Variants in PMFBP1 observed in about 807,000 individuals in gnomAD.
The protein encoded by PMFBP1 is polyamine-modulated factor 1-binding protein 1.
PMFBP1 carries 131 observed loss-of-function variants against 137.8 expected under a neutral mutation model. That is an observed-to-expected ratio of 0.95 (90% CI 0.82 to 1.10). The LOEUF (loss-of-function observed/expected upper bound fraction) is 1.10, where lower values mean the gene tolerates loss of function less well. Ranked by LOEUF, PMFBP1 falls within the 50% of genes least tolerant of loss-of-function variation. The pLI is 0.00. For missense variants in PMFBP1, 1,199 were observed against 1,175.4 expected (o/e 1.02, Z -0.29); for synonymous variants, 490 against 450.4 (o/e 1.09, Z -1.11).
intron 17 of PMFBP1, among the ~76,000 whole-genome samples, chr16:72,124,401 G>A (rs1036514722): frequency 2.6e-5 from 4 of 152,246 alleles, no homozygotes; most frequent in Admixed American, 6.5e-5. Flanking sequence ...GCTCAGGGAG[G>A]TGGGCCTGGG....
chr16:72,148,690 C>T (rs999491987), intron 5 of PMFBP1, among the ~76,000 whole-genome samples: 2 of 151,918 alleles, frequency 1.3e-5, no homozygotes, highest in African/African-American at 4.8e-5. Context: ...AGACTAAAAA[C>T]CCAGTAAAAA....
intron 10 of PMFBP1, 29 bp downstream of exon 10, chr16:72,132,719 T>C (rs562789671): frequency 6.2e-7 from 1 of 1,613,682 alleles, no homozygotes; most frequent in African/African-American, 1.3e-5. Flanking sequence ...CAGAAAAGTG[T>C]GGTGGGACAG....
chr16:72,136,546 C>T lies in PMFBP1; in HGVS notation c.1105G>A (p.Glu369Lys). ...ATGGTGATGTCCTTATCCTTCCTCT[C>T]AATGTGGGCAGATGTCTCCTCCCGC... ...GLREETSAHI[E>K]RKDKDITILQ... is the part of the protein sequence containing the mutation. Residue 369 changes from glutamate (E) to lysine (K), a missense_variant, in exon 9 of 21, where the codon GAG (glutamate) becomes AAG (lysine). Physicochemically the swap from Glu to Lys is moderately conservative, Grantham distance 56. Transcript: ENST00000237353. The T allele has an allele frequency of 6.2e-7, 1 of 1,614,060 alleles. No homozygotes were observed. The highest frequency in any genetic ancestry group is 8.5e-7 in the Non-Finnish European group (1 of 1,180,012).
In PMFBP1 at chr16:72,124,078, C is replaced by T. The variant is rs546999015; in HGVS notation, c.2590-429G>A. 2.2e-4 allele frequency among the ~76,000 whole-genome samples: 33 copies of T among 152,250 alleles called. 1 individual carries two copies. The South Asian group carries it at 6.0e-3, about 28-fold the overall frequency. On this transcript the variant is annotated intron_variant, in intron 17 of 20. Coordinates refer to ENST00000237353, the MANE Select transcript of PMFBP1 (RefSeq NM_031293.3). ...AGGCTGGAGTGCAGTGGCATGATCA[C>T]GGCTCATGGCAGCTTAACCTCCCCC... is the stretch of plus-strand genomic sequence containing the variant.
chr16:72,133,075 C>T, intron 9 of PMFBP1, 84 bp from the exon 10 acceptor site: 1 of 1,506,804 alleles, frequency 6.6e-7, no homozygotes, highest in Non-Finnish European at 9.0e-7. Context: ...AGCCCTCATC[C>T]AAGCCACTGG....
Position 72,157,200 on chromosome 16 carries a change from A to G in PMFBP1, c.166-2741T>C, listed in dbSNP as rs1050185791. 4.9e-5 allele frequency among the ~76,000 whole-genome samples: 6 copies of G among 122,740 alleles called. No individual in the cohort carries two copies. In the East Asian group the frequency reaches 1.0e-3, roughly 20 times the overall value. The allele number at this position is 122,740 out of a possible 152,430, so 80.5% of individuals were successfully genotyped here. On this transcript the variant is annotated intron_variant, in intron 3 of 20. Transcript: ENST00000237353. ...CTCCATCTCAAAAAAAAAAAAAAAA[A>G]AAAAAAAAAAACCAGACAAAATCCC...
intron 2 of PMFBP1, among the ~76,000 whole-genome samples, chr16:72,169,869 A>T (rs1567644160): frequency 6.6e-6 from 1 of 152,162 alleles, no homozygotes; most frequent in South Asian, 2.1e-4. Context: ...TGTACTTAGA[A>T]CACTGTCTGA....
chr16:72,164,326 G>A (rs373667024), intron 3 of PMFBP1: 40 of 1,047,228 alleles, frequency 3.8e-5, no homozygotes, highest in African/African-American at 3.1e-4. Flanking sequence ...GTGAGACGCA[G>A]GTGCAGCAAT....
chr16:72,241,614 T>C, the PMFBP1 span, among the ~76,000 whole-genome samples: 1 of 152,170 alleles, frequency 6.6e-6, no homozygotes, highest in Non-Finnish European at 1.5e-5. Flanking sequence ...TTCAGTTCTT[T>C]AAATGATTCC....
the PMFBP1 span, among the ~76,000 whole-genome samples, chr16:72,242,814 G>A: frequency 1.3e-5 from 2 of 152,246 alleles, no homozygotes; most frequent in Admixed American, 6.5e-5. Context: ...TAAAAAGGCA[G>A]TAAGAATCTT....
intron 20 of PMFBP1, 126 bp from the exon 21 acceptor site, chr16:72,119,480 G>A: frequency 6.4e-7 from 1 of 1,568,496 alleles, no homozygotes; most frequent in Non-Finnish European, 8.6e-7. Context: ...GGGGTAACAT[G>A]GAGTTTACAG....
intron 3 of PMFBP1, among the ~76,000 whole-genome samples, chr16:72,155,581 A>G (rs748530424): frequency 1.3e-5 from 2 of 152,250 alleles, no homozygotes; most frequent in Non-Finnish European, 2.9e-5. Context: ...AAATGAAAAT[A>G]GCGTCCAAGC....
the PMFBP1 span, among the ~76,000 whole-genome samples, chr16:72,185,816 G>A: frequency 6.6e-6 from 1 of 152,196 alleles, no homozygotes; most frequent in Admixed American, 6.5e-5. Context: ...TCACTGTCAT[G>A]AGAACTGGAA....
chr16:72,238,635 C>A, the PMFBP1 span, among the ~76,000 whole-genome samples: 1 of 152,156 alleles, frequency 6.6e-6, no homozygotes, highest in Non-Finnish European at 1.5e-5. Flanking sequence ...GTGGAAGGAC[C>A]TATTCACAGG....
the PMFBP1 span, among the ~76,000 whole-genome samples, chr16:72,230,888 T>A: frequency 1.3e-5 from 2 of 152,190 alleles, no homozygotes; most frequent in African/African-American, 2.4e-5. Flanking sequence ...AAGCATATAA[T>A]CAATCTGGAT....
intron 9 of PMFBP1, among the ~76,000 whole-genome samples, chr16:72,135,360 T>TG (rs373323912): frequency 0.66 from 85,890 of 130,322 alleles, 26,500 homozygotes; most frequent in African/African-American, 0.76. Context: ...TGTGTGTGTG[T>TG]TTTTTTTTTT....
At chr16:72,152,318 C>A (rs928322550) in intron 4 of PMFBP1, among the ~76,000 whole-genome samples, 1 of 152,128 alleles carries the variant, frequency 6.6e-6, no homozygotes, top group South Asian at 2.1e-4. Context: ...TGTATTCTCC[C>A]GCTCTTCCTT....
intron 5 of PMFBP1, among the ~76,000 whole-genome samples, chr16:72,145,671 G>A (rs2042794492): frequency 6.6e-6 from 1 of 152,038 alleles, no homozygotes; most frequent in African/African-American, 2.4e-5. Flanking sequence ...GAATCAAATA[G>A]ATGCAATAAA....
At chr16:72,117,827 T>C (rs2042324011), downstream of PMFBP1, among the ~76,000 whole-genome samples, 1 of 152,220 alleles carries the variant, frequency 6.6e-6, no homozygotes, top group African/African-American at 2.4e-5. Flanking sequence ...CAGGCAACAC[T>C]CAGTTTCCCT....
Sources: gnomAD v4.1 joint callset for allele counts (sites outside exome capture counted in the v4.1 genomes callset) on GRCh38, gnomAD v4.1.1 for gene constraint, MANE v1.5 for transcripts, NCBI Gene and HGNC (gene_info 2026-07-23, HGNC 2026-07-21) for gene names.